The following DYSF variants were observed in gnomAD, a reference collection of about 807,000 sequenced individuals.
DYSF encodes dysferlin.
In DYSF, 212 loss-of-function variants were observed where a neutral mutation model predicts 274.9. The ratio of observed to expected loss-of-function variants is 0.77; its 90% CI spans 0.69 to 0.86. The LOEUF (loss-of-function observed/expected upper bound fraction) is 0.86, where lower values mean the gene tolerates loss of function less well. DYSF is among the 40% of genes least tolerant of loss of function. The pLI, the probability that DYSF is intolerant of heterozygous loss-of-function variation, is 0.00. For synonymous variants in DYSF, 1,091 were observed against 1,078.7 expected (o/e 1.01, Z -0.22); for missense variants, 2,666 against 2,783.2 (o/e 0.96, Z 0.95).
chr2:71,602,678 C>A, intron 35 of DYSF, 98 bp from the exon 36 acceptor site: 1 of 1,348,636 alleles, frequency 7.4e-7, no homozygotes, highest in Non-Finnish European at 1.0e-6. Context: ...TGACCTCTGG[C>A]CCCGCCTAGT....
At chr2:71,488,667 C>T (rs925211040) in intron 3 of DYSF, among the ~76,000 whole-genome samples, 1 of 152,188 alleles carries the variant, frequency 6.6e-6, no homozygotes, top group Non-Finnish European at 1.5e-5. Context: ...TGTCCCCAGC[C>T]TCTCTGCTTT....
chr2:71,623,927 G>C (rs1233867643), intron 41 of DYSF, among the ~76,000 whole-genome samples: 1 of 152,102 alleles, frequency 6.6e-6, no homozygotes, highest in Non-Finnish European at 1.5e-5. Context: ...AAATTAGCCA[G>C]GTGTGGTGGC....
chr2:71,623,903 T>C (rs2094156146), intron 41 of DYSF, among the ~76,000 whole-genome samples: 1 of 151,816 alleles, frequency 6.6e-6, no homozygotes, highest in African/African-American at 2.4e-5. Flanking sequence ...ACCCTGTCTC[T>C]ACAGAAAATA....
intron 22 of DYSF, among the ~76,000 whole-genome samples, chr2:71,559,523 G>C (rs1425876447): frequency 1.3e-5 from 2 of 152,176 alleles, no homozygotes; most frequent in East Asian, 1.9e-4. Context: ...TGGTGGACAG[G>C]CCTTTCTGTC....
chr2:71,665,718 C>T (rs865794143), intron 47 of DYSF, among the ~76,000 whole-genome samples: 8 of 152,220 alleles, frequency 5.3e-5, no homozygotes, highest in African/African-American at 1.9e-4. Flanking sequence ...ACCAGCCTGG[C>T]AGCTTGACCC....
At chr2:71,463,866 G>A (rs1305453414), upstream of DYSF, among the ~76,000 whole-genome samples, 3 of 152,208 alleles carry the variant, frequency 2.0e-5, no homozygotes, top group African/African-American at 7.2e-5. Context: ...AGCTGGGGCT[G>A]CATAACTGAG....
At chr2:71,500,563 A>G (rs1023916942) in intron 3 of DYSF, among the ~76,000 whole-genome samples, 1 of 151,990 alleles carries the variant, frequency 6.6e-6, no homozygotes. Flanking sequence ...TGGGGGTGCT[A>G]CTTCCTTCTG....
rs771010885 is a variant in DYSF at position 71,480,961 on chromosome 2, T to C, written c.147+23T>C. 2.5e-6 allele frequency: 4 copies of C among 1,610,426 alleles called. No homozygotes were observed. The African/African-American group carries it at 5.3e-5, about 22-fold the overall frequency. ...GAGGTATGTGAGTTTTTCTCCTTCCTTTTCTCTCTGTCTGCTGCAGTTGTG... is the reference window on the plus strand; with the variant it reads ...GAGGTATGTGAGTTTTTCTCCTTCCCTTTCTCTCTGTCTGCTGCAGTTGTG... On this transcript the variant is annotated intron_variant, in intron 2 of 55. Coordinates refer to ENST00000410020, the MANE Select transcript of DYSF (RefSeq NM_001130987.2).
chr2:71,600,578 A>G, intron 33 of DYSF, 124 bp from the exon 34 acceptor site: 1 of 1,338,624 alleles, frequency 7.5e-7, no homozygotes, highest in Non-Finnish European at 1.1e-6. Flanking sequence ...ATTCTGTGGG[A>G]GGGGGTGCCC....
rs1280311600 is a variant in DYSF, at chr2:71,535,257, T to G, written c.1450-11T>G. 2 of 1,613,822 alleles carry G rather than the reference T, an allele frequency of 1.2e-6. No individual in the cohort carries two copies. The highest frequency in any genetic ancestry group is 3.3e-5 in the Admixed American group (2 of 60,000). On this transcript the variant is annotated splice_polypyrimidine_tract_variant and intron_variant, in intron 15 of 55. Transcript: ENST00000410020. ...GACTCTTCTCCCAACACGCCTCTAT[T>G]CCTTCCTCAGTTTCCCTCCATGTGC...
chr2:71,625,059 G>A (rs933306171), intron 41 of DYSF, among the ~76,000 whole-genome samples: 1 of 151,658 alleles, frequency 6.6e-6, no homozygotes. Context: ...GCTTCATATC[G>A]TTTCATCTAT....
intron 1 of DYSF, among the ~76,000 whole-genome samples, chr2:71,479,719 G>A (rs779584709): frequency 8.5e-5 from 13 of 152,138 alleles, no homozygotes; most frequent in Non-Finnish European, 1.3e-4. Context: ...GGCTTCTGCC[G>A]TGCATCGTCT....
chr2:71,557,482 C>T (rs1025554780), intron 22 of DYSF, among the ~76,000 whole-genome samples: 8 of 152,094 alleles, frequency 5.3e-5, no homozygotes, highest in East Asian at 3.9e-4. Context: ...GGAGCAAGGC[C>T]GAGGGAAAGG....
Position 71,598,697 on chromosome 2 carries a change from T to C in DYSF, c.3708T>C (p.Ala1236=). The change falls in exon 33 of 56, where the codon GCT becomes GCC. Residue 1236 remains alanine (A), a synonymous_variant. Transcript: ENST00000410020. The part of the protein sequence containing the change: ...IEIFGEPATV[A]EQPPSIVVEL... ...TCTTTGGCGAGCCGGCCACAGTTGC[T>C]GAGCAACCGCCCAGCATTGTGGTGG... is the stretch of plus-strand genomic sequence containing the variant. 1 of 1,613,894 alleles carries C rather than the reference T, an allele frequency of 6.2e-7. No homozygotes were observed. Among genetic ancestry groups the C allele is most frequent in the Admixed American group, 1.7e-5 (1 of 60,014 alleles).
intron 1 of DYSF, among the ~76,000 whole-genome samples, chr2:71,476,434 G>A (rs1328387484): frequency 2.0e-5 from 3 of 151,846 alleles, no homozygotes; most frequent in Non-Finnish European, 4.4e-5. Flanking sequence ...GCGGCTACTC[G>A]GGAGGCTGAG....
At chr2:71,478,018 A>C (rs1346406782) in intron 1 of DYSF, among the ~76,000 whole-genome samples, 1 of 148,840 alleles carries the variant, frequency 6.7e-6, no homozygotes, top group African/African-American at 2.5e-5. Context: ...TAAAAGTGTC[A>C]CTTTTCCTTT....
At chr2:71,503,023 G>A (rs777932539) in intron 3 of DYSF, among the ~76,000 whole-genome samples, 191 bp from the exon 4 acceptor site, 3 of 152,098 alleles carry the variant, frequency 2.0e-5, no homozygotes, top group Non-Finnish European at 4.4e-5. Flanking sequence ...ATTTCCCTAG[G>A]GGCCAGGCCT....
chr2:71,486,947 A>G (rs1266141556), intron 3 of DYSF, among the ~76,000 whole-genome samples: 1 of 152,200 alleles, frequency 6.6e-6, no homozygotes, highest in Non-Finnish European at 1.5e-5. Context: ...TGTTCAGCCC[A>G]GAAGTTCCCA....
At chr2:71,598,419 A>C in intron 32 of DYSF, 145 bp from the exon 33 acceptor site, 4 of 965,368 alleles carry the variant, frequency 4.1e-6, no homozygotes, top group Non-Finnish European at 6.3e-6. Context: ...CCCATAGGGA[A>C]GATGCATCCC....
Sources: allele counts gnomAD v4.1 joint callset (sites outside exome capture counted in the v4.1 genomes callset), GRCh38; gene constraint gnomAD v4.1.1; transcripts MANE v1.5; gene names NCBI Gene and HGNC (gene_info 2026-07-23, HGNC 2026-07-21).